The following RASAL2 variants were observed in gnomAD, a reference collection of about 807,000 sequenced individuals.
RASAL2 encodes the protein RAS protein activator like 2, also known as ras GTPase-activating protein nGAP.
In RASAL2, 58 loss-of-function variants were observed where a neutral mutation model predicts 128.9. The observed-to-expected ratio is 0.45, with a 90% CI of 0.36 to 0.56. RASAL2 has a LOEUF of 0.56. Among genes scored for constraint, RASAL2 ranks in the 20% least tolerant of loss-of-function variants. RASAL2 has a pLI of 0.00. For missense variants in RASAL2, 1,360 were observed against 1,601.6 expected (o/e 0.85, Z 2.57); for synonymous variants, 561 against 580.8 (o/e 0.97, Z 0.49).
At chr1:178,359,927 T>TA (rs1671018943) in intron 3 of RASAL2, among the ~76,000 whole-genome samples, 2 of 152,146 alleles carry the variant, frequency 1.3e-5, no homozygotes, top group African/African-American at 2.4e-5. Context: ...TTTTTTAACA[T>TA]ATGGACTCAC....
At chr1:178,422,331 A>G (rs1425967059) in intron 5 of RASAL2, among the ~76,000 whole-genome samples, 1 of 151,998 alleles carries the variant, frequency 6.6e-6, no homozygotes, top group Non-Finnish European at 1.5e-5. Context: ...AGTGATTGAA[A>G]TGTATTATTT....
chr1:178,117,488 T>TG (rs1451022415), intron 1 of RASAL2, among the ~76,000 whole-genome samples: 3 of 152,246 alleles, frequency 2.0e-5, no homozygotes, highest in African/African-American at 7.2e-5. Context: ...AATTAGGATG[T>TG]GGAATATGCT....
intron 4 of RASAL2, among the ~76,000 whole-genome samples, chr1:178,398,137 C>A (rs1016741394): frequency 2.0e-5 from 3 of 151,554 alleles, no homozygotes; most frequent in African/African-American, 7.3e-5. Context: ...TTTAGTTAAT[C>A]GTTTCTGATA....
Position 178,452,627 on chromosome 1 carries a change from A to C in RASAL2, c.1984A>C (p.Ile662Leu). Residue 662 changes from isoleucine (I) to leucine (L), a missense_variant, in exon 11 of 18, where the codon ATT becomes CTT. Ile to Leu is a conservative substitution (Grantham distance 5). Transcript: ENST00000367649. The part of the protein sequence containing the change: ...SRTLTLIAKV[I>L]QNLANFAKFG... Reference sequence around the variant, plus strand: ...GACTCTAACTCTTATTGCCAAGGTCATTCAGAACCTGGCCAACTTTGCCAA... The same window carrying C: ...GACTCTAACTCTTATTGCCAAGGTCCTTCAGAACCTGGCCAACTTTGCCAA... 6.2e-7 allele frequency: 1 copy of C among 1,613,700 alleles called. No homozygotes were observed. The highest frequency in any genetic ancestry group is 1.1e-5 in the South Asian group (1 of 91,074).
chr1:178,348,312 A>G (rs1247421094), intron 3 of RASAL2, among the ~76,000 whole-genome samples: 1 of 151,990 alleles, frequency 6.6e-6, no homozygotes, highest in Non-Finnish European at 1.5e-5. Context: ...TCTTGAGACA[A>G]GGTCTTTCTC....
chr1:178,389,566 G>T (rs1234039151), intron 3 of RASAL2, among the ~76,000 whole-genome samples: 1 of 152,154 alleles, frequency 6.6e-6, no homozygotes, highest in Admixed American at 6.5e-5. Flanking sequence ...TTTTATATCT[G>T]CATAGGCATA....
At chr1:178,452,196 C>T (rs1392121700) in intron 10 of RASAL2, among the ~76,000 whole-genome samples, 1 of 152,066 alleles carries the variant, frequency 6.6e-6, no homozygotes, top group Non-Finnish European at 1.5e-5. Flanking sequence ...TAAACTAATC[C>T]AGAGTTCTGT....
chr1:178,284,331 A>G (rs1296370738), intron 2 of RASAL2, among the ~76,000 whole-genome samples: 1 of 152,080 alleles, frequency 6.6e-6, no homozygotes, highest in Non-Finnish European at 1.5e-5. Context: ...AAACACTCCA[A>G]CTCTTTTCTT....
chr1:178,255,386 G>A (rs1342168291), intron 1 of RASAL2, among the ~76,000 whole-genome samples: 2 of 151,868 alleles, frequency 1.3e-5, no homozygotes, highest in East Asian at 3.8e-4. Context: ...TTATTGTTGG[G>A]CTCATAACAT....
chr1:178,265,177 A>G (rs1373021493), intron 1 of RASAL2, among the ~76,000 whole-genome samples: 1 of 152,214 alleles, frequency 6.6e-6, no homozygotes, highest in South Asian at 2.1e-4. Context: ...TAGTGTTTTC[A>G]TATAACTCAC....
intron 5 of RASAL2, among the ~76,000 whole-genome samples, chr1:178,428,243 C>A (rs1675653989): frequency 6.6e-6 from 1 of 151,980 alleles, no homozygotes; most frequent in Non-Finnish European, 1.5e-5. Context: ...CTGCTGTGAA[C>A]AGTTAGATAC....
At chr1:178,104,393 C>A (rs559901471) in intron 1 of RASAL2, among the ~76,000 whole-genome samples, 1 of 152,078 alleles carries the variant, frequency 6.6e-6, no homozygotes, top group Non-Finnish European at 1.5e-5. Flanking sequence ...TATGAAAATA[C>A]AATTTTTAAT....
intron 1 of RASAL2, among the ~76,000 whole-genome samples, chr1:178,215,655 A>C (rs57092466): frequency 0.028 from 4,282 of 152,316 alleles, 75 homozygotes; most frequent in East Asian, 0.087. Context: ...TCCTAAAGAT[A>C]GTTTCTTCTC....
chr1:178,223,892 A>G (rs1663700596), intron 1 of RASAL2, among the ~76,000 whole-genome samples: 1 of 152,184 alleles, frequency 6.6e-6, no homozygotes, highest in East Asian at 1.9e-4. Context: ...AGCTGGATGA[A>G]TGTGGTCCCA....
At chr1:178,279,417 C>T (rs1486434120) in intron 1 of RASAL2, among the ~76,000 whole-genome samples, 1 of 152,144 alleles carries the variant, frequency 6.6e-6, no homozygotes, top group Non-Finnish European at 1.5e-5. Context: ...CTGACCATCC[C>T]TAAACCAGGC....
At chr1:178,398,451 C>T (rs1673390989) in intron 4 of RASAL2, among the ~76,000 whole-genome samples, 1 of 152,152 alleles carries the variant, frequency 6.6e-6, no homozygotes, top group African/African-American at 2.4e-5. Context: ...CCTCTCCATT[C>T]TTGTAAGATG....
intron 8 of RASAL2, 111 bp downstream of exon 8, chr1:178,443,340 C>A: frequency 1.0e-6 from 1 of 993,396 alleles, no homozygotes; most frequent in Non-Finnish European, 1.4e-6. Flanking sequence ...TACTATTGGT[C>A]AAAACAAGAA....
intron 1 of RASAL2, among the ~76,000 whole-genome samples, chr1:178,214,790 C>T (rs373351900): frequency 1.8e-4 from 28 of 152,156 alleles, no homozygotes; most frequent in African/African-American, 6.5e-4. Context: ...GATCTCTTGA[C>T]CTCGTGATCT....
At chr1:178,241,157 T>G (rs553521299) in intron 1 of RASAL2, among the ~76,000 whole-genome samples, 1 of 152,108 alleles carries the variant, frequency 6.6e-6, no homozygotes, top group Non-Finnish European at 1.5e-5. Flanking sequence ...TTCTTTCTGG[T>G]GTGCTATATA....
Sources: allele counts gnomAD v4.1 joint callset (sites outside exome capture counted in the v4.1 genomes callset), GRCh38; gene constraint gnomAD v4.1.1; transcripts MANE v1.5; gene names NCBI Gene and HGNC (gene_info 2026-07-23, HGNC 2026-07-21).